TMPRSS15: variants seen among roughly 807,000 people sequenced by gnomAD.
The protein encoded by TMPRSS15 is enteropeptidase.
Under a neutral mutation model 125.3 loss-of-function variants are expected in TMPRSS15, and 128 were observed. The observed-to-expected ratio is 1.02, with a 90% CI of 0.89 to 1.18. TMPRSS15 has a LOEUF of 1.18. Ranked by LOEUF, TMPRSS15 falls within the 50% of genes most tolerant of loss-of-function variation. TMPRSS15 has a pLI of 0.00. For missense variants in TMPRSS15, 1,283 were observed against 1,212.7 expected (o/e 1.06, Z -0.86); for synonymous variants, 446 against 423.2 (o/e 1.05, Z -0.66).
chr21:18,345,762 A>AAAAAAAAAAAAAAAAAAAC (rs2075501908), intron 10 of TMPRSS15, among the ~76,000 whole-genome samples: 1 of 143,676 alleles, frequency 7.0e-6, no homozygotes, highest in Non-Finnish European at 1.5e-5. Flanking sequence ...AAAAAAAAAA[A>AAAAAAAAAAAAAAAAAAAC]TCCACTGAAT....
chr21:18,398,085 A>C lies in TMPRSS15; in HGVS notation c.276+114T>G, dbSNP rs2076056515. Reference sequence around the variant, plus strand: ...CATAGTAATGGGGCTCATACATTTGAGTATCTTGGGCATATTACATTTATT... The same window carrying C: ...CATAGTAATGGGGCTCATACATTTGCGTATCTTGGGCATATTACATTTATT... On this transcript the variant is annotated intron_variant, in intron 2 of 24. Transcript: ENST00000284885. 3.2e-5 allele frequency: 43 copies of C among 1,339,174 alleles called. No individual in the cohort carries two copies. In the South Asian group the frequency reaches 5.1e-4, roughly 16 times the overall value. The allele number at this position is 1,339,174 out of a possible 1,614,324, so 83.0% of individuals were successfully genotyped here. A position where few individuals can be genotyped will look rare whatever the true frequency, so the allele number is the denominator to read the frequency against.
chr21:18,298,008 GAGT>G (rs1054791302), intron 18 of TMPRSS15, among the ~76,000 whole-genome samples, 179 bp from the exon 19 acceptor site: 12 of 152,146 alleles, frequency 7.9e-5, no homozygotes, highest in East Asian at 1.9e-4. Context: ...TGATGCAAAT[GAGT>G]AGAATTACCC....
At chr21:18,484,385 A>AT (rs1439377247) in intron 1 of TMPRSS15, among the ~76,000 whole-genome samples, 2 of 151,804 alleles carry the variant, frequency 1.3e-5, no homozygotes, top group African/African-American at 2.4e-5. Flanking sequence ...TTTAAGCAAT[A>AT]TTTTTGCTAG....
chr21:18,472,565 T>A (rs556159287), intron 1 of TMPRSS15, among the ~76,000 whole-genome samples: 30 of 151,830 alleles, frequency 2.0e-4, no homozygotes, highest in Non-Finnish European at 3.5e-4. Flanking sequence ...AGAACTAGCT[T>A]AAAATAATTT....
At chr21:18,314,445 A>G (rs1048086239) in intron 17 of TMPRSS15, among the ~76,000 whole-genome samples, 5 of 151,560 alleles carry the variant, frequency 3.3e-5, no homozygotes, top group African/African-American at 4.9e-5. Flanking sequence ...CGCCTGGCAA[A>G]TTTCGTATTT....
At chr21:18,349,093 A>T (rs2075538160) in intron 10 of TMPRSS15, among the ~76,000 whole-genome samples, 1 of 152,090 alleles carries the variant, frequency 6.6e-6, no homozygotes, top group East Asian at 1.9e-4. Flanking sequence ...AAACTATACT[A>T]CCTCCCACAG....
chr21:18,374,830 T>A (rs1019085921), intron 5 of TMPRSS15, among the ~76,000 whole-genome samples: 23 of 152,176 alleles, frequency 1.5e-4, no homozygotes, highest in Non-Finnish European at 2.8e-4. Context: ...GGACATGGAC[T>A]CAATTACTAC....
intron 21 of TMPRSS15, among the ~76,000 whole-genome samples, chr21:18,283,439 G>A (rs13052044): frequency 0.32 from 48,327 of 151,440 alleles, 9,066 homozygotes; most frequent in Non-Finnish European, 0.41. Flanking sequence ...TTACTATACC[G>A]TATGTTTTGT....
intron 1 of TMPRSS15, among the ~76,000 whole-genome samples, chr21:18,458,483 T>C (rs1712780355): frequency 6.6e-6 from 1 of 152,206 alleles, no homozygotes; most frequent in African/African-American, 2.4e-5. Flanking sequence ...CAATGGTTGC[T>C]GGATATCTTT....
At chr21:18,412,661 AT>A (rs2076168975) in intron 1 of TMPRSS15, among the ~76,000 whole-genome samples, 1 of 152,132 alleles carries the variant, frequency 6.6e-6, no homozygotes, top group Non-Finnish European at 1.5e-5. Flanking sequence ...ATGTAGTGTG[AT>A]TTTGCTTAAA....
intron 12 of TMPRSS15, among the ~76,000 whole-genome samples, chr21:18,342,625 G>C (rs2075460384): frequency 6.6e-6 from 1 of 151,992 alleles, no homozygotes; most frequent in Admixed American, 6.6e-5. Flanking sequence ...TTTTCTCCCT[G>C]GCCTTTCCAT....
intron 8 of TMPRSS15, among the ~76,000 whole-genome samples, chr21:18,356,816 A>G (rs975813089): frequency 6.6e-6 from 1 of 151,844 alleles, no homozygotes; most frequent in Non-Finnish European, 1.5e-5. Context: ...GTTGTAGGAT[A>G]AGTTGACAAT....
chr21:18,305,220 C>A (rs866062203), intron 18 of TMPRSS15, among the ~76,000 whole-genome samples: 3 of 122,302 alleles, frequency 2.5e-5, no homozygotes, highest in South Asian at 5.2e-4. Context: ...ACGGAGTCTC[C>A]CTCTGTCGCC....
intron 6 of TMPRSS15, among the ~76,000 whole-genome samples, chr21:18,367,324 A>G (rs1397189855): frequency 6.6e-6 from 1 of 152,210 alleles, no homozygotes; most frequent in Non-Finnish European, 1.5e-5. Context: ...ATTAAGGCTA[A>G]TTTGTCATGA....
intron 1 of TMPRSS15, among the ~76,000 whole-genome samples, chr21:18,413,191 C>T (rs1467579026): frequency 6.6e-6 from 1 of 151,830 alleles, no homozygotes; most frequent in Non-Finnish European, 1.5e-5. Context: ...TTTTCCCCTT[C>T]CTGCCTTCCC....
At chr21:18,401,769 T>C (rs1031015547) in intron 1 of TMPRSS15, among the ~76,000 whole-genome samples, 3 of 152,246 alleles carry the variant, frequency 2.0e-5, no homozygotes, top group African/African-American at 7.2e-5. Flanking sequence ...GTATGCATTA[T>C]GATCTCTGAT....
chr21:18,349,185 A>G (rs567471099), intron 10 of TMPRSS15, among the ~76,000 whole-genome samples: 3 of 152,258 alleles, frequency 2.0e-5, no homozygotes, highest in South Asian at 2.1e-4. Context: ...TGCGATCCCT[A>G]TATTTCTGAA....
chr21:18,356,877 A>T (rs576583499), intron 8 of TMPRSS15, among the ~76,000 whole-genome samples: 4 of 151,964 alleles, frequency 2.6e-5, no homozygotes, highest in African/African-American at 9.6e-5. Flanking sequence ...AGCTATGCAC[A>T]CTTCTGTGTG....
intron 14 of TMPRSS15, 87 bp from the exon 15 acceptor site, chr21:18,329,381 TA>T (rs200857609): frequency 1.6e-4 from 213 of 1,351,694 alleles, no homozygotes; most frequent in Middle Eastern, 5.5e-4. Flanking sequence ...TCAAATAACT[TA>T]AAAAAAAATC....
Sources: allele counts gnomAD v4.1 joint callset (sites outside exome capture counted in the v4.1 genomes callset), GRCh38; gene constraint gnomAD v4.1.1; transcripts MANE v1.5; gene names NCBI Gene and HGNC (gene_info 2026-07-23, HGNC 2026-07-21).